TMEM87B: variants seen among roughly 807,000 people sequenced by gnomAD.
TMEM87B encodes the protein transmembrane protein 87B.
A neutral mutation model predicts 80.3 loss-of-function variants in TMEM87B; 83 were observed. The ratio of observed to expected loss-of-function variants is 1.03; its 90% CI spans 0.87 to 1.24. TMEM87B has a LOEUF of 1.24. TMEM87B is among the 50% of genes most tolerant of loss of function. The probability of loss-of-function intolerance (pLI) is 0.00; values close to 1 mark genes in which losing one functional copy is unlikely to be tolerated. For missense variants in TMEM87B, 625 were observed against 674.4 expected (o/e 0.93, Z 0.81); for synonymous variants, 219 against 230.5 (o/e 0.95, Z 0.45).
At chr2:112,113,252 C>T (rs910612408) in intron 18 of TMEM87B, among the ~76,000 whole-genome samples, 4 of 152,102 alleles carry the variant, frequency 2.6e-5, no homozygotes, top group African/African-American at 9.7e-5. Context: ...ATTAAAGTTT[C>T]AATCTCATTT....
intron 13 of TMEM87B, among the ~76,000 whole-genome samples, chr2:112,098,376 C>T (rs72829656): frequency 0.09 from 13,630 of 152,126 alleles, 667 homozygotes; most frequent in South Asian, 0.19. Flanking sequence ...TTTCTGTTAA[C>T]CCAAAAATTT....
intron 3 of TMEM87B, 50 bp downstream of exon 3, chr2:112,064,303 A>T: frequency 2.7e-6 from 4 of 1,470,664 alleles, no homozygotes; most frequent in Non-Finnish European, 2.8e-6. Flanking sequence ...AAGGAAAATT[A>T]TGGGTATAAA....
chr2:112,070,325 T>C (rs1371256657), intron 4 of TMEM87B, among the ~76,000 whole-genome samples: 6 of 152,242 alleles, frequency 3.9e-5, no homozygotes, highest in Non-Finnish European at 7.3e-5. Context: ...ATTTAACTCT[T>C]TAATCCATCT....
chr2:112,076,447 CT>C (rs1678818739), intron 5 of TMEM87B, among the ~76,000 whole-genome samples: 1 of 152,052 alleles, frequency 6.6e-6, no homozygotes, highest in South Asian at 2.1e-4. Context: ...TCAAGCGATT[CT>C]TCTGTCTCAG....
intron 3 of TMEM87B, among the ~76,000 whole-genome samples, chr2:112,065,729 T>A (rs1678412469): frequency 2.7e-5 from 4 of 149,084 alleles, no homozygotes; most frequent in East Asian, 2.0e-4. Flanking sequence ...GCACACACAC[T>A]CCACACCCCA....
intron 4 of TMEM87B, among the ~76,000 whole-genome samples, chr2:112,071,656 T>G (rs552706414): frequency 6.6e-6 from 1 of 152,304 alleles, no homozygotes; most frequent in South Asian, 2.1e-4. Context: ...TTGCTGAAGT[T>G]GCTTATCAGC....
At chr2:112,093,329 G>T (rs553041070) in intron 11 of TMEM87B, among the ~76,000 whole-genome samples, 1 of 152,202 alleles carries the variant, frequency 6.6e-6, no homozygotes, top group Non-Finnish European at 1.5e-5. Flanking sequence ...GTCCTCACTC[G>T]TCAAAGCAGT....
intron 4 of TMEM87B, among the ~76,000 whole-genome samples, chr2:112,071,222 C>G (rs1283575771): frequency 6.6e-6 from 1 of 152,042 alleles, no homozygotes; most frequent in Non-Finnish European, 1.5e-5. Flanking sequence ...CCTTGGTTAG[C>G]TGTATTCCTA....
At chr2:112,077,374 A>G in intron 6 of TMEM87B, 92 bp downstream of exon 6, 2 of 541,306 alleles carry the variant, frequency 3.7e-6, no homozygotes, top group Non-Finnish European at 3.2e-6. Flanking sequence ...TGTTTCAAAT[A>G]CATCATTCAA....
At position 112,077,221 on chromosome 2, in the gene TMEM87B, G is replaced by A. The variant is rs147529569; in HGVS notation, c.531G>A (p.Gly177=). 2.0e-3 allele frequency: 3,162 copies of A among 1,594,048 alleles called. 5 individuals carry two copies. The highest frequency in any genetic ancestry group is 2.5e-3 in the Non-Finnish European group (2,966 of 1,171,710). ...MDVVARTQKD[G]FHIFIVSIKT... ...TTGTAGCCAGAACACAAAAAGATGG[G>A]TTTCATATCTTTATTGTTTCTATTA... is the stretch of plus-strand genomic sequence containing the variant. Residue 177 remains glycine (G), a synonymous_variant, in exon 6 of 19, where the codon GGG becomes GGA. Coordinates refer to ENST00000283206, the MANE Select transcript of TMEM87B (RefSeq NM_032824.3).
intron 17 of TMEM87B, among the ~76,000 whole-genome samples, chr2:112,108,145 C>CT (rs796709350): frequency 3.9e-4 from 57 of 148,024 alleles, no homozygotes; most frequent in African/African-American, 6.2e-4. Flanking sequence ...TGTATGTAAA[C>CT]TTTTTTTTTT....
rs368920639 is a variant in TMEM87B, at chr2:112,069,020, G to A, written c.450+1953G>A. Among the ~76,000 whole-genome samples the A allele has an allele frequency of 3.0e-4, 45 of 150,848 alleles. No homozygotes were observed. In the Middle Eastern group the frequency reaches 0.01, roughly 34 times the overall value. ...ATCCTGGCTAACAAGGTGAAACCCC[G>A]TCTCTACTAAAAATACAAAAAATTA... On this transcript the variant is annotated intron_variant, in intron 4 of 18. Transcript: ENST00000283206.
rs74703377 is a variant in TMEM87B at position 112,091,656 on chromosome 2, C to T, written c.1033-56C>T. On this transcript the variant is annotated intron_variant, in intron 10 of 18. Coordinates refer to ENST00000283206, the MANE Select transcript of TMEM87B (RefSeq NM_032824.3). The stretch of plus-strand genomic sequence containing the variant: ...ATTTTTCTTCATCAAATGATAATTG[C>T]TATAGTGCAATGAAAGTGTTACATT... 3,973 of 1,150,692 alleles carry T rather than the reference C, an allele frequency of 3.5e-3. 109 individuals are homozygous for T. In the African/African-American group the frequency reaches 0.053, roughly 15 times the overall value. The allele number at this position is 1,150,692 out of a possible 1,614,324, so 71.3% of individuals were successfully genotyped here. A position where few individuals can be genotyped will look rare whatever the true frequency, so the allele number is the denominator to read the frequency against.
chr2:112,080,594 C>G (rs1678965557), intron 6 of TMEM87B, among the ~76,000 whole-genome samples: 2 of 152,146 alleles, frequency 1.3e-5, no homozygotes, highest in African/African-American at 4.8e-5. Flanking sequence ...TGTTTTCTTG[C>G]TATTGAGTTG....
rs1573685524 is a variant in TMEM87B, at chr2:112,067,208, G to C, written c.450+141G>C. The C allele has an allele frequency of 2.2e-5, 25 of 1,136,496 alleles. No homozygotes were observed. In the East Asian group the frequency reaches 2.3e-4, roughly 10 times the overall value. The allele number at this position is 1,136,496 out of a possible 1,614,324, so 70.4% of individuals were successfully genotyped here. ...AAATAAAGTTTATTTTATTCCCACT[G>C]AATACAAGTATCAACTGAAGTACTG... On this transcript the variant is annotated intron_variant, in intron 4 of 18. Coordinates refer to ENST00000283206, the MANE Select transcript of TMEM87B (RefSeq NM_032824.3).
In TMEM87B at chr2:112,055,599, C is replaced by T. The variant is rs1224994462; in HGVS notation, c.8C>T (p.Ala3Val). Residue 3 changes from alanine (A) to valine (V), a missense_variant, in exon 1 of 19, where the codon GCC becomes GTC. Transcript: ENST00000283206. ...TGCAGCTTCCTGGTCAAGATGGTCG[C>T]CGCCTGCCGCTCGGTAGCCGGGCTC... MV[A>V]ACRSVAGLLP... is the part of the protein sequence containing the mutation. 9.8e-6 allele frequency: 15 copies of T among 1,523,630 alleles called. No homozygotes were observed. The Admixed American group carries it at 3.0e-4, about 31-fold the overall frequency. The allele number at this position is 1,523,630 out of a possible 1,614,324, so 94.4% of individuals were successfully genotyped here.
rs143102063 is a variant in TMEM87B at position 112,093,056 on chromosome 2, C to T, written c.1104+1273C>T. Among the ~76,000 whole-genome samples, 125 of 152,050 alleles carry T rather than the reference C, an allele frequency of 8.2e-4. 1 individual carries two copies. Among genetic ancestry groups the T allele is most frequent in the African/African-American group, 2.8e-3 (117 of 41,468 alleles). On this transcript the variant is annotated intron_variant, in intron 11 of 18. Coordinates refer to ENST00000283206, the MANE Select transcript of TMEM87B (RefSeq NM_032824.3). ...TTTTAAAAAATTGTTTTTCTTGTATCTTTTTCCATTTTCTCATCTATGTGT... is the reference window on the plus strand; with the variant it reads ...TTTTAAAAAATTGTTTTTCTTGTATTTTTTTCCATTTTCTCATCTATGTGT...
intron 13 of TMEM87B, among the ~76,000 whole-genome samples, 197 bp from the exon 14 acceptor site, chr2:112,098,398 A>G (rs1263935652): frequency 6.6e-6 from 1 of 152,218 alleles, no homozygotes; most frequent in Non-Finnish European, 1.5e-5. Context: ...ATGGCAGGGA[A>G]TATTTGTAAC....
chr2:112,096,988 T>C, intron 11 of TMEM87B, 56 bp from the exon 12 acceptor site: 1 of 1,145,994 alleles, frequency 8.7e-7, no homozygotes, highest in Non-Finnish European at 1.3e-6. Flanking sequence ...AAGATTCTGT[T>C]TTTTTTTTTT....
Sources: gnomAD v4.1 joint callset for allele counts (sites outside exome capture counted in the v4.1 genomes callset) on GRCh38, gnomAD v4.1.1 for gene constraint, MANE v1.5 for transcripts, NCBI Gene and HGNC (gene_info 2026-07-23, HGNC 2026-07-21) for gene names.